The following GRIA4 variants were observed in gnomAD, a reference collection of about 807,000 sequenced individuals.
The protein encoded by GRIA4 is glutamate receptor 4.
Under a neutral mutation model 104.0 loss-of-function variants are expected in GRIA4, and 34 were observed. The ratio of observed to expected loss-of-function variants is 0.33; its 90% CI spans 0.25 to 0.44. The LOEUF (loss-of-function observed/expected upper bound fraction) is 0.44, where lower values mean the gene tolerates loss of function less well. Among genes scored for constraint, GRIA4 ranks in the 20% least tolerant of loss-of-function variants. GRIA4 has a pLI of 1.00. For missense variants in GRIA4, 750 were observed against 1,096.5 expected (o/e 0.68, Z 4.46); for synonymous variants, 386 against 381.9 (o/e 1.01, Z -0.13).
chr11:105,733,976 T>C (rs1042665820), intron 3 of GRIA4, among the ~76,000 whole-genome samples: 2 of 149,000 alleles, frequency 1.3e-5, no homozygotes, highest in East Asian at 1.9e-4. Flanking sequence ...CATATTATCA[T>C]TGGTCACTAC....
rs965206009 is a variant in GRIA4, at chr11:105,896,548, G to A, written c.727-1721G>A. ...TCTTAAGTTTTCTAGTAGGATTTTT[G>A]TATTTTCACATCTTATGTAGTCTTT... On this transcript the variant is annotated intron_variant, in intron 6 of 16. Transcript: ENST00000282499. Among the ~76,000 whole-genome samples, 3 of 151,892 alleles carry A rather than the reference G, an allele frequency of 2.0e-5. No homozygotes were observed. In the East Asian group the frequency reaches 5.8e-4, roughly 29 times the overall value.
rs902801890 is a variant in GRIA4 at position 105,918,513 on chromosome 11, T to C, written c.1270-199T>C. Among the ~76,000 whole-genome samples, 20 of 152,142 alleles carry C rather than the reference T, an allele frequency of 1.3e-4. 1 individual carries two copies. The highest frequency in any genetic ancestry group is 3.4e-4 in the African/African-American group (14 of 41,456). On this transcript the variant is annotated intron_variant, in intron 10 of 16. Transcript: ENST00000282499. ...AAATTTAAAGATTTCAGTTTTAGTA[T>C]CCAATGCAAAGCAATTTAATCTCTT...
At chr11:105,727,889 A>C (rs1024578427) in intron 3 of GRIA4, among the ~76,000 whole-genome samples, 3 of 152,216 alleles carry the variant, frequency 2.0e-5, no homozygotes, top group Middle Eastern at 3.2e-3. Flanking sequence ...CTAAATATGG[A>C]AAGGAAAAAC....
At chr11:105,934,144 GA>G (rs1565351762) in intron 14 of GRIA4, among the ~76,000 whole-genome samples, 175 bp downstream of exon 14, 1 of 151,618 alleles carries the variant, frequency 6.6e-6, no homozygotes, top group African/African-American at 2.4e-5. Flanking sequence ...TTTAATTTTG[GA>G]ATGATTAATC....
chr11:105,795,607 T>C (rs1293400070), intron 4 of GRIA4, among the ~76,000 whole-genome samples: 1 of 152,006 alleles, frequency 6.6e-6, no homozygotes, highest in Non-Finnish European at 1.5e-5. Context: ...TAGTGATGGG[T>C]GTTAACAAAC....
Position 105,933,962 on chromosome 11 carries a change from T to G in GRIA4, c.2287T>G (p.Ser763Ala). ...TGGAGTAGCAACGCCCAAGGGTTCC[T>G]CATTAAGGTGGGTGGAATAGTATAA... ...GYGVATPKGS[S>A]LRTPVNLAVL... The change falls in exon 14 of 17, where the codon TCA (serine) becomes GCA (alanine). Residue 763 changes from serine (S) to alanine (A), a missense_variant. Ser to Ala is a moderately conservative substitution (Grantham distance 99). Around this residue, in one of 3 missense-constraint regions of GRIA4, gnomAD observed 272 missense variants for 524.5 expected, o/e 0.52. Transcript: ENST00000282499. 1 of 1,611,862 alleles carries G rather than the reference T, an allele frequency of 6.2e-7. No homozygotes were observed. Among genetic ancestry groups the G allele is most frequent in the South Asian group, 1.1e-5 (1 of 90,932 alleles).
rs549052096 is a variant in GRIA4, at chr11:105,704,121, A to C, written c.248-48860A>C. Among the ~76,000 whole-genome samples the C allele has an allele frequency of 2.8e-4, 43 of 152,200 alleles. 1 individual carries two copies. Among genetic ancestry groups the C allele is most frequent in the South Asian group, 1.9e-3 (9 of 4,830 alleles). On this transcript the variant is annotated intron_variant, in intron 3 of 16. Transcript: ENST00000282499. The stretch of plus-strand genomic sequence containing the variant: ...CATTCAATGAGGGCCTACAAGGTAC[A>C]AAGTTCTGTAGCAGCCACTAAAGAA...
intron 14 of GRIA4, among the ~76,000 whole-genome samples, chr11:105,946,875 T>C (rs755143765): frequency 6.6e-6 from 1 of 152,176 alleles, no homozygotes; most frequent in Admixed American, 6.5e-5. Context: ...AGGCAATTTG[T>C]TGCCAAAAAA....
chr11:105,727,829 G>A (rs953916324), intron 3 of GRIA4, among the ~76,000 whole-genome samples: 1 of 152,148 alleles, frequency 6.6e-6, no homozygotes, highest in Non-Finnish European at 1.5e-5. Flanking sequence ...CAAATGCTGA[G>A]GGATTTTGTC....
chr11:105,904,649 T>C (rs1164951777), intron 8 of GRIA4, among the ~76,000 whole-genome samples: 1 of 152,204 alleles, frequency 6.6e-6, no homozygotes, highest in Non-Finnish European at 1.5e-5. Flanking sequence ...AATATATACA[T>C]ATTTAATGTT....
At chr11:105,812,013 G>T (rs1943192264) in intron 4 of GRIA4, among the ~76,000 whole-genome samples, 2 of 152,208 alleles carry the variant, frequency 1.3e-5, no homozygotes, top group African/African-American at 4.8e-5. Context: ...AGAGTAAGAT[G>T]CTCCATTACT....
rs1164527891 is a variant in GRIA4, at chr11:105,798,113, CAT to C, written c.487+44894_487+44895del. 3.9e-5 allele frequency among the ~76,000 whole-genome samples: 6 copies of C among 152,188 alleles called. No homozygotes were observed. In the South Asian group the frequency reaches 6.2e-4, roughly 16 times the overall value. On this transcript the variant is annotated intron_variant, in intron 4 of 16. Coordinates refer to ENST00000282499, the MANE Select transcript of GRIA4 (RefSeq NM_000829.4). ...AAACACACACACATACACACACACA[CAT>C]GCACAAGACAACACTTCCTATAGCC... is the stretch of plus-strand genomic sequence containing the variant.
intron 6 of GRIA4, among the ~76,000 whole-genome samples, chr11:105,889,113 A>G (rs1417170407): frequency 6.6e-6 from 1 of 152,180 alleles, no homozygotes; most frequent in Admixed American, 6.5e-5. Flanking sequence ...AAAAAAATCA[A>G]TGTGTTATAT....
At chr11:105,642,315 T>C (rs1165499832) in intron 3 of GRIA4, among the ~76,000 whole-genome samples, 1 of 152,028 alleles carries the variant, frequency 6.6e-6, no homozygotes, top group Non-Finnish European at 1.5e-5. Context: ...AACTGCATCA[T>C]TCATGGATCT....
In GRIA4 at chr11:105,943,544, C is replaced by G. The variant is rs548212472; in HGVS notation, c.2294+9575C>G. ...TTGAGAAGGTGATTACTAAGGGCAT[C>G]GTAACAACCTTAACAACTTCAGCAC... On this transcript the variant is annotated intron_variant, in intron 14 of 16. Transcript: ENST00000282499. Among the ~76,000 whole-genome samples, 8 of 152,094 alleles carry G rather than the reference C, an allele frequency of 5.3e-5. No homozygotes were observed. In the South Asian group the frequency reaches 1.7e-3, roughly 32 times the overall value.
chr11:105,678,790 T>A (rs1952621863), intron 3 of GRIA4, among the ~76,000 whole-genome samples: 1 of 151,986 alleles, frequency 6.6e-6, no homozygotes, highest in African/African-American at 2.4e-5. Context: ...ACCATTAAGG[T>A]AAAAGTATAT....
At chr11:105,884,856 T>TTTA (rs1946196832) in intron 5 of GRIA4, among the ~76,000 whole-genome samples, 1 of 152,246 alleles carries the variant, frequency 6.6e-6, no homozygotes, top group Non-Finnish European at 1.5e-5. Context: ...TGATTCCACA[T>TTTA]CTTTTTAACA....
At chr11:105,762,127 G>T (rs575933242) in intron 4 of GRIA4, among the ~76,000 whole-genome samples, 13 of 151,700 alleles carry the variant, frequency 8.6e-5, no homozygotes, top group Non-Finnish European at 1.5e-4. Flanking sequence ...AGCTTTAAGC[G>T]ATTCTCATGC....
intron 11 of GRIA4, among the ~76,000 whole-genome samples, chr11:105,921,297 C>A (rs932616996): frequency 2.8e-5 from 4 of 144,792 alleles, no homozygotes; most frequent in Non-Finnish European, 6.0e-5. Context: ...TTGGCCTCTA[C>A]CACACTTGGG....
Sources: allele counts gnomAD v4.1 joint callset (sites outside exome capture counted in the v4.1 genomes callset), GRCh38; gene constraint gnomAD v4.1.1; regional missense constraint gnomAD v4.1.1; transcripts MANE v1.5; gene names NCBI Gene and HGNC (gene_info 2026-07-23, HGNC 2026-07-21).